The following SLC24A3 variants were observed in gnomAD, a reference collection of about 807,000 sequenced individuals.
The protein encoded by SLC24A3 is sodium/potassium/calcium exchanger 3.
In SLC24A3, 28 loss-of-function variants were observed where a neutral mutation model predicts 75.8. The observed-to-expected ratio is 0.37, with a 90% CI of 0.27 to 0.51. The LOEUF (loss-of-function observed/expected upper bound fraction) is 0.51, where lower values mean the gene tolerates loss of function less well. Ranked by LOEUF, SLC24A3 falls within the 20% of genes least tolerant of loss-of-function variation. The pLI is 0.94. For missense variants in SLC24A3, 663 were observed against 847.8 expected (o/e 0.78, Z 2.71); for synonymous variants, 372 against 334.1 (o/e 1.11, Z -1.24).
chr20:19,387,780 A>G (rs140186792), intron 2 of SLC24A3, among the ~76,000 whole-genome samples: 164 of 152,298 alleles, frequency 1.1e-3, no homozygotes, highest in Non-Finnish European at 1.5e-3. Context: ...CTTGAAAAGA[A>G]TGTGTATTCT....
intron 2 of SLC24A3, among the ~76,000 whole-genome samples, chr20:19,514,410 C>T (rs1176701300): frequency 6.6e-6 from 1 of 152,216 alleles, no homozygotes; most frequent in Non-Finnish European, 1.5e-5. Flanking sequence ...TCTAGCATAT[C>T]CTCCCCATCA....
intron 15 of SLC24A3, among the ~76,000 whole-genome samples, chr20:19,706,980 G>C (rs2032938281): frequency 6.6e-6 from 1 of 152,176 alleles, no homozygotes; most frequent in Non-Finnish European, 1.5e-5. Context: ...GGGCTTGGCT[G>C]CAGGCTTCAT....
At chr20:19,621,097 G>A (rs376471262) in intron 6 of SLC24A3, among the ~76,000 whole-genome samples, 1 of 152,178 alleles carries the variant, frequency 6.6e-6, no homozygotes, top group Non-Finnish European at 1.5e-5. Flanking sequence ...CACACCATTT[G>A]CAGGTAACAA....
At chr20:19,291,486 C>T (rs899827582) in intron 2 of SLC24A3, among the ~76,000 whole-genome samples, 5 of 152,232 alleles carry the variant, frequency 3.3e-5, no homozygotes, top group Admixed American at 3.3e-4. Context: ...CACTGAGGCC[C>T]AGGACTATGT....
intron 16 of SLC24A3, among the ~76,000 whole-genome samples, chr20:19,720,251 G>A (rs2033089838): frequency 1.3e-5 from 2 of 152,224 alleles, no homozygotes; most frequent in Admixed American, 6.5e-5. Context: ...AGGCTGGTGG[G>A]TGTGAGTGGC....
chr20:19,411,615 T>C (rs1354116773), intron 2 of SLC24A3, among the ~76,000 whole-genome samples: 2 of 152,204 alleles, frequency 1.3e-5, no homozygotes, highest in Non-Finnish European at 2.9e-5. Context: ...CAAATAAGCT[T>C]GAGTGATTTA....
chr20:19,220,429 C>T (rs1275367044), intron 1 of SLC24A3, among the ~76,000 whole-genome samples: 1 of 152,180 alleles, frequency 6.6e-6, no homozygotes, highest in African/African-American at 2.4e-5. Flanking sequence ...TGGAATTGAA[C>T]CCACAGAGGA....
intron 2 of SLC24A3, among the ~76,000 whole-genome samples, chr20:19,435,780 A>G (rs1987189020): frequency 6.6e-6 from 1 of 152,178 alleles, no homozygotes; most frequent in Non-Finnish European, 1.5e-5. Flanking sequence ...GAACAGTCCT[A>G]TAACAGCTCA....
intron 2 of SLC24A3, among the ~76,000 whole-genome samples, chr20:19,409,742 A>T (rs2122418294): frequency 1.3e-5 from 2 of 152,268 alleles, no homozygotes; most frequent in Middle Eastern, 3.4e-3. Flanking sequence ...TAACACTACT[A>T]TGTTGAATTT....
At chr20:19,307,075 G>T (rs1317956072) in intron 2 of SLC24A3, among the ~76,000 whole-genome samples, 2 of 152,122 alleles carry the variant, frequency 1.3e-5, no homozygotes, top group Non-Finnish European at 2.9e-5. Flanking sequence ...AGCATTCTAG[G>T]TGAAACTGAA....
chr20:19,615,466 A>G (rs1316819160), intron 6 of SLC24A3, among the ~76,000 whole-genome samples: 2 of 152,184 alleles, frequency 1.3e-5, no homozygotes, highest in African/African-American at 4.8e-5. Context: ...GAAGCTTACA[A>G]TGGTGACGGA....
intron 13 of SLC24A3, chr20:19,696,515 A>G (rs750045649): frequency 6.1e-5 from 20 of 328,548 alleles, no homozygotes; most frequent in Non-Finnish European, 1.1e-4. Context: ...CAGAAATTCT[A>G]TTTTCTCTTC....
At chr20:19,657,662 G>C (rs907176815) in intron 7 of SLC24A3, among the ~76,000 whole-genome samples, 21 of 152,168 alleles carry the variant, frequency 1.4e-4, no homozygotes, top group African/African-American at 5.1e-4. Flanking sequence ...CATGAAATTT[G>C]AAACTGTCCA....
At chr20:19,688,040 C>T (rs974897730) in intron 12 of SLC24A3, among the ~76,000 whole-genome samples, 3 of 152,254 alleles carry the variant, frequency 2.0e-5, no homozygotes, top group East Asian at 1.9e-4. Context: ...TCTGTGTGGT[C>T]GTACCATCCC....
intron 2 of SLC24A3, among the ~76,000 whole-genome samples, chr20:19,375,921 T>C (rs1283102484): frequency 4.6e-5 from 7 of 152,224 alleles, no homozygotes; most frequent in African/African-American, 1.2e-4. Context: ...AGGACATTTT[T>C]TAATGAGGCA....
At chr20:19,466,831 T>C (rs1490579662) in intron 2 of SLC24A3, among the ~76,000 whole-genome samples, 1 of 152,160 alleles carries the variant, frequency 6.6e-6, no homozygotes, top group Non-Finnish European at 1.5e-5. Flanking sequence ...GGCCTGAAAT[T>C]AGATGAAAAG....
chr20:19,424,746 A>C (rs1600475625), intron 2 of SLC24A3, among the ~76,000 whole-genome samples: 1 of 2,742 alleles, frequency 3.6e-4, no homozygotes, highest in Admixed American at 4.1e-3. Context: ...AAACAACAAC[A>C]AAAAAAAAAA....
chr20:19,690,344 A>C (rs1404676413), intron 12 of SLC24A3, among the ~76,000 whole-genome samples: 1 of 152,220 alleles, frequency 6.6e-6, no homozygotes, highest in Admixed American at 6.5e-5. Flanking sequence ...ATTCACTGGC[A>C]CTAACTTACA....
chr20:19,502,452 AG>A (rs1294148561), intron 2 of SLC24A3, among the ~76,000 whole-genome samples: 1 of 152,150 alleles, frequency 6.6e-6, no homozygotes, highest in Non-Finnish European at 1.5e-5. Flanking sequence ...CTAAAGTTAA[AG>A]GGGCTTGATA....
Sources: allele counts gnomAD v4.1 joint callset (sites outside exome capture counted in the v4.1 genomes callset), GRCh38; gene constraint gnomAD v4.1.1; transcripts MANE v1.5; gene names NCBI Gene and HGNC (gene_info 2026-07-23, HGNC 2026-07-21).